Variants in TRHDE observed in about 807,000 individuals in gnomAD.
The protein encoded by TRHDE is thyrotropin-releasing hormone-degrading ectoenzyme.
TRHDE carries 72 observed loss-of-function variants against 125.7 expected under a neutral mutation model. That is an observed-to-expected ratio of 0.57 (90% CI 0.47 to 0.70). The LOEUF is 0.70. Among genes scored for constraint, TRHDE ranks in the 30% least tolerant of loss-of-function variants. The pLI is 0.00. For missense variants in TRHDE, 1,110 were observed against 1,327.1 expected (o/e 0.84, Z 2.54); for synonymous variants, 509 against 509.1 (o/e 1.00, Z 0.00).
chr12:72,100,016 T>C (rs1274625784), intron 1 of TRHDE, among the ~76,000 whole-genome samples: 1 of 152,142 alleles, frequency 6.6e-6, no homozygotes, highest in Non-Finnish European at 1.5e-5. Flanking sequence ...CCCTTTACAA[T>C]GTTTTTTTTC....
intron 5 of TRHDE, among the ~76,000 whole-genome samples, chr12:72,498,040 T>A (rs1261493936): frequency 6.6e-6 from 1 of 152,144 alleles, no homozygotes; most frequent in East Asian, 1.9e-4. Flanking sequence ...AAAGCGTGAT[T>A]TGATTCAGTC....
chr12:72,397,632 C>T (rs1362001877), intron 3 of TRHDE, among the ~76,000 whole-genome samples: 2 of 151,938 alleles, frequency 1.3e-5, no homozygotes, highest in Admixed American at 6.6e-5. Flanking sequence ...CTTTTATTTC[C>T]CTCAGAAACT....
At chr12:72,305,566 T>C (rs961025090) in intron 2 of TRHDE, among the ~76,000 whole-genome samples, 3 of 152,214 alleles carry the variant, frequency 2.0e-5, no homozygotes, top group Non-Finnish European at 4.4e-5. Flanking sequence ...TTCAATAGGA[T>C]TCACCCTAAC....
At chr12:72,591,702 T>A (rs1323156589) in intron 12 of TRHDE, among the ~76,000 whole-genome samples, 1 of 148,862 alleles carries the variant, frequency 6.7e-6, no homozygotes, top group Non-Finnish European at 1.5e-5. Flanking sequence ...AGAGTTTTCT[T>A]TTATATGAAG....
intron 12 of TRHDE, among the ~76,000 whole-genome samples, chr12:72,610,096 C>G (rs186249965): frequency 1.0e-3 from 154 of 152,282 alleles, no homozygotes; most frequent in Non-Finnish European, 1.6e-3. Context: ...GTGGAATATA[C>G]ACCTTCCTGT....
intron 2 of TRHDE, among the ~76,000 whole-genome samples, chr12:72,142,710 C>T (rs1253122590): frequency 6.6e-6 from 1 of 152,088 alleles, no homozygotes. Flanking sequence ...AGCAGACCAG[C>T]AGACTAGCAG....
intron 2 of TRHDE, among the ~76,000 whole-genome samples, chr12:72,307,330 ATTTT>A (rs11323954): frequency 7.3e-6 from 1 of 137,138 alleles, no homozygotes; most frequent in Non-Finnish European, 1.6e-5. Flanking sequence ...ATACCCAGCT[ATTTT>A]TTTTTTTTTT....
intron 15 of TRHDE, among the ~76,000 whole-genome samples, chr12:72,633,203 GTAAT>G (rs1169278689): frequency 6.6e-6 from 1 of 151,942 alleles, no homozygotes; most frequent in African/African-American, 2.4e-5. Context: ...ACTTTAAAGA[GTAAT>G]CTTTTGATAG....
intron 2 of TRHDE, among the ~76,000 whole-genome samples, chr12:72,228,371 G>T (rs370801175): frequency 6.6e-6 from 1 of 152,176 alleles, no homozygotes; most frequent in Non-Finnish European, 1.5e-5. Flanking sequence ...AATGTCTTGG[G>T]CTGGATGTTG....
At chr12:72,205,257 G>A (rs1188573071) in intron 2 of TRHDE, among the ~76,000 whole-genome samples, 1 of 151,364 alleles carries the variant, frequency 6.6e-6, no homozygotes, top group Non-Finnish European at 1.5e-5. Context: ...ATGCTGCCAC[G>A]GCTCTGAAGC....
At chr12:72,563,142 G>A in intron 9 of TRHDE, 102 bp downstream of exon 9, 1 of 866,476 alleles carries the variant, frequency 1.2e-6, no homozygotes, top group Non-Finnish European at 1.7e-6. Flanking sequence ...AATATTGTAA[G>A]TGAAATATAG....
At position 72,318,967 on chromosome 12, in the gene TRHDE, C is replaced by T. The variant is rs146614568; in HGVS notation, c.1188+32013C>T. Among the ~76,000 whole-genome samples, 739 of 152,098 alleles carry T rather than the reference C, an allele frequency of 4.9e-3. 2 individuals are homozygous for T. Among genetic ancestry groups the T allele is most frequent in the Middle Eastern group, 0.024 (7 of 294 alleles). On this transcript the variant is annotated intron_variant, in intron 2 of 18. Coordinates refer to ENST00000261180, the MANE Select transcript of TRHDE (RefSeq NM_013381.3). ...AACAAGAGGAGATTCTCTCCCGAAT[C>T]GACATAGTGGAAGTAGGCGTGGAGA...
At position 72,272,748 on chromosome 12, in the gene TRHDE, C is replaced by T. The variant is rs367943395; in HGVS notation, c.105C>T (p.Ala35=). The T allele has an allele frequency of 2.0e-6, 3 of 1,476,370 alleles. No homozygotes were observed. The highest frequency in any genetic ancestry group is 1.5e-5 in the African/African-American group (1 of 68,958). 91.5% of individuals were successfully genotyped at this position (1,476,370 alleles called of 1,614,324 possible). The change falls in exon 1 of 19, where the codon GCC becomes GCT. Residue 35 remains alanine, a synonymous_variant. Transcript: ENST00000261180. The surrounding 1 kb of genome is among the most constrained non-coding windows in gnomAD (Gnocchi z 6.7). The stretch of plus-strand genomic sequence containing the variant: ...AGGAGGAGGAGGAGGAGGAGGGGGC[C>T]GAGAAGAGCAGCTCACCCTTCGCAG... The part of the protein sequence containing the change: ...KKEEEEEEEG[A]EKSSSPFAAA...
intron 2 of TRHDE, among the ~76,000 whole-genome samples, chr12:72,136,687 G>A (rs1055557661): frequency 3.3e-5 from 5 of 152,254 alleles, no homozygotes; most frequent in Admixed American, 6.5e-5. Flanking sequence ...ATCCCACGGA[G>A]AGGGAATATC....
At chr12:72,464,078 G>A (rs1025097247) in intron 3 of TRHDE, among the ~76,000 whole-genome samples, 1 of 152,180 alleles carries the variant, frequency 6.6e-6, no homozygotes, top group Non-Finnish European at 1.5e-5. Context: ...TATTAAGCCA[G>A]ATTAAAAGGG....
intron 2 of TRHDE, among the ~76,000 whole-genome samples, chr12:72,350,305 G>A (rs1870524327): frequency 6.6e-6 from 1 of 151,994 alleles, no homozygotes; most frequent in African/African-American, 2.4e-5. Flanking sequence ...GGTCATGCCT[G>A]GAGCAAAGTA....
At chr12:72,253,003 A>C (rs919531135) in intron 2 of TRHDE, among the ~76,000 whole-genome samples, 1 of 152,136 alleles carries the variant, frequency 6.6e-6, no homozygotes, top group Non-Finnish European at 1.5e-5. Flanking sequence ...GGTTCTTAGA[A>C]ACTGTAATTT....
intron 2 of TRHDE, among the ~76,000 whole-genome samples, chr12:72,293,803 C>T (rs1052206691): frequency 1.3e-5 from 2 of 152,184 alleles, no homozygotes; most frequent in South Asian, 4.1e-4. Context: ...CAGCTGGGCT[C>T]ATTTCGCCCA....
At chr12:72,113,549 C>T (rs762238673) in intron 2 of TRHDE, among the ~76,000 whole-genome samples, 2 of 152,042 alleles carry the variant, frequency 1.3e-5, no homozygotes, top group African/African-American at 2.4e-5. Context: ...CCTCCTGCCT[C>T]AGCCTCCCAA....
Sources: gnomAD v4.1 joint callset for allele counts (sites outside exome capture counted in the v4.1 genomes callset) on GRCh38, gnomAD v4.1.1 for gene constraint, Gnocchi (gnomAD v3.1) non-coding constraint, MANE v1.5 for transcripts, NCBI Gene and HGNC (gene_info 2026-07-23, HGNC 2026-07-21) for gene names.